Variants in DOCK1 observed in about 807,000 individuals in gnomAD.
The protein encoded by DOCK1 is dedicator of cytokinesis protein 1.
In DOCK1, 138 loss-of-function variants were observed where a neutral mutation model predicts 262.7. The ratio of observed to expected loss-of-function variants is 0.53; its 90% CI spans 0.46 to 0.61. DOCK1 has a LOEUF of 0.61. Among genes scored for constraint, DOCK1 ranks in the 20% least tolerant of loss-of-function variants. DOCK1 has a pLI of 0.00. For synonymous variants in DOCK1, 866 were observed against 867.4 expected (o/e 1.00, Z 0.03); for missense variants, 1,908 against 2,370.7 (o/e 0.80, Z 4.05).
At chr10:127,035,470 A>C (rs2043531906) in intron 18 of DOCK1, among the ~76,000 whole-genome samples, 1 of 152,168 alleles carries the variant, frequency 6.6e-6, no homozygotes, top group East Asian at 1.9e-4. Flanking sequence ...GGGCTGGACA[A>C]GCCCTGTTTT....
At chr10:127,261,637 GTACCTGCA>G (rs2060128264) in intron 29 of DOCK1, among the ~76,000 whole-genome samples, 5 of 85,624 alleles carry the variant, frequency 5.8e-5, no homozygotes, top group African/African-American at 5.0e-5. Flanking sequence ...GTGTGCATGT[GTACCTGCA>G]TGTGTGTGCA....
intron 4 of DOCK1, among the ~76,000 whole-genome samples, chr10:126,986,296 G>T (rs542221629): frequency 1.3e-5 from 2 of 151,790 alleles, no homozygotes; most frequent in South Asian, 2.1e-4. Flanking sequence ...CTGTCAATAA[G>T]TCATCACAGG....
chr10:127,299,526 G>T (rs2061612380), intron 29 of DOCK1, among the ~76,000 whole-genome samples: 1 of 152,220 alleles, frequency 6.6e-6, no homozygotes, highest in Admixed American at 6.5e-5. Context: ...AAGTCAAGGA[G>T]ATTGCCAGCA....
At chr10:127,112,482 T>C (rs1180580059) in intron 25 of DOCK1, among the ~76,000 whole-genome samples, 1 of 152,218 alleles carries the variant, frequency 6.6e-6, no homozygotes, top group Non-Finnish European at 1.5e-5. Flanking sequence ...CTAAGCCTTT[T>C]ATCTTAGACA....
At chr10:127,250,619 C>T (rs958521084) in intron 28 of DOCK1, among the ~76,000 whole-genome samples, 4 of 151,720 alleles carry the variant, frequency 2.6e-5, no homozygotes, top group East Asian at 1.9e-4. Context: ...GGCAAAACCC[C>T]GTCTCCACTA....
chr10:127,006,911 C>T (rs938797142), intron 10 of DOCK1, among the ~76,000 whole-genome samples: 2 of 152,134 alleles, frequency 1.3e-5, no homozygotes, highest in African/African-American at 4.8e-5. Context: ...TTGGTTCTGG[C>T]TCATCGTGGG....
intron 1 of DOCK1, among the ~76,000 whole-genome samples, chr10:126,913,723 C>T (rs995893763): frequency 6.6e-6 from 1 of 152,184 alleles, no homozygotes; most frequent in Non-Finnish European, 1.5e-5. Flanking sequence ...GGTTTCACCC[C>T]AGACAGATGT....
intron 27 of DOCK1, among the ~76,000 whole-genome samples, chr10:127,239,070 G>A (rs1177296031): frequency 6.6e-6 from 1 of 152,190 alleles, no homozygotes; most frequent in African/African-American, 2.4e-5. Flanking sequence ...TGCTGGACAG[G>A]TACAGGGCTA....
intron 27 of DOCK1, among the ~76,000 whole-genome samples, chr10:127,222,062 T>C (rs1370627655): frequency 6.6e-6 from 1 of 152,212 alleles, no homozygotes; most frequent in Non-Finnish European, 1.5e-5. Flanking sequence ...AGAGACTCTT[T>C]AGCTTAATGA....
chr10:127,450,263 A>G (rs1385655315), intron 51 of DOCK1, among the ~76,000 whole-genome samples: 1 of 152,180 alleles, frequency 6.6e-6, no homozygotes, highest in Non-Finnish European at 1.5e-5. Context: ...CTGGGCGATG[A>G]GTGAGAGACT....
At chr10:127,018,095 C>T (rs564682412) in intron 12 of DOCK1, among the ~76,000 whole-genome samples, 16 of 152,236 alleles carry the variant, frequency 1.1e-4, no homozygotes, top group South Asian at 2.1e-4. Context: ...AGAAAAGAGC[C>T]GAGAGCGGCT....
chr10:127,213,466 G>A (rs1483464971), intron 27 of DOCK1, among the ~76,000 whole-genome samples: 1 of 152,162 alleles, frequency 6.6e-6, no homozygotes, highest in Admixed American at 6.5e-5. Flanking sequence ...TTTTGGGGGT[G>A]TTTTTCAAAA....
chr10:127,340,100 T>C (rs904417823), intron 30 of DOCK1, among the ~76,000 whole-genome samples: 1 of 152,222 alleles, frequency 6.6e-6, no homozygotes, highest in Non-Finnish European at 1.5e-5. Flanking sequence ...GTTTGTTGTA[T>C]TGGCATTACA....
intron 25 of DOCK1, among the ~76,000 whole-genome samples, chr10:127,125,027 G>A (rs1369515447): frequency 1.3e-5 from 2 of 152,114 alleles, no homozygotes; most frequent in Non-Finnish European, 2.9e-5. Flanking sequence ...TGAGGCGGGA[G>A]AATGGCGTGA....
intron 27 of DOCK1, among the ~76,000 whole-genome samples, chr10:127,148,433 T>G (rs1313495529): frequency 6.6e-6 from 1 of 152,234 alleles, no homozygotes; most frequent in Non-Finnish European, 1.5e-5. Flanking sequence ...TAAATCTTGC[T>G]TTCATCTCCA....
intron 27 of DOCK1, among the ~76,000 whole-genome samples, chr10:127,245,073 C>A (rs1741627691): frequency 6.6e-6 from 1 of 152,128 alleles, no homozygotes; most frequent in South Asian, 2.1e-4. Context: ...CCTTATAAGC[C>A]CACAGATATG....
intron 1 of DOCK1, among the ~76,000 whole-genome samples, chr10:126,949,594 G>T (rs977033464): frequency 1.3e-5 from 2 of 152,140 alleles, no homozygotes; most frequent in Admixed American, 6.5e-5. Context: ...TCTCTGTGAT[G>T]AGAGCATCGG....
At chr10:127,257,518 G>T in intron 29 of DOCK1, 89 bp downstream of exon 29, 1 of 1,239,836 alleles carries the variant, frequency 8.1e-7, no homozygotes, top group Non-Finnish European at 1.1e-6. Context: ...GACCAAGCTG[G>T]CTTCAATAAA....
chr10:127,128,750 A>C (rs1341219084), intron 27 of DOCK1, among the ~76,000 whole-genome samples: 1 of 152,162 alleles, frequency 6.6e-6, no homozygotes, highest in Admixed American at 6.5e-5. Context: ...ATACTATTCC[A>C]TGGTGTATAG....
Sources: gnomAD v4.1 joint callset for allele counts (sites outside exome capture counted in the v4.1 genomes callset) on GRCh38, gnomAD v4.1.1 for gene constraint, MANE v1.5 for transcripts, NCBI Gene and HGNC (gene_info 2026-07-23, HGNC 2026-07-21) for gene names.